TEX15: variants seen among roughly 807,000 people sequenced by gnomAD.
TEX15 encodes the protein testis-expressed protein 15.
TEX15 carries 171 observed loss-of-function variants against 237.3 expected under a neutral mutation model. The ratio of observed to expected loss-of-function variants is 0.72; its 90% CI spans 0.64 to 0.82. TEX15 has a LOEUF of 0.82. Ranked by LOEUF, TEX15 falls within the 40% of genes least tolerant of loss-of-function variation. TEX15 has a pLI of 0.00. For missense variants in TEX15, 3,750 were observed against 3,646.5 expected (o/e 1.03, Z -0.73); for synonymous variants, 1,338 against 1,269.8 (o/e 1.05, Z -1.14).
intron 5 of TEX15, among the ~76,000 whole-genome samples, chr8:30,863,064 A>G (rs529714845): frequency 2.0e-5 from 3 of 152,294 alleles, no homozygotes; most frequent in African/African-American, 7.2e-5. Flanking sequence ...TGCAACTTTC[A>G]GGGGAACGCT....
At chr8:30,906,370 G>A (rs1199284194) in intron 1 of TEX15, among the ~76,000 whole-genome samples, 1 of 152,078 alleles carries the variant, frequency 6.6e-6, no homozygotes, top group Non-Finnish European at 1.5e-5. Context: ...AGGATCATGA[G>A]GTCAGGAGAT....
intron 2 of TEX15, among the ~76,000 whole-genome samples, chr8:30,892,746 T>C (rs552245592): frequency 6.6e-6 from 1 of 152,268 alleles, no homozygotes; most frequent in South Asian, 2.1e-4. Flanking sequence ...TTTAAAATGA[T>C]GTTGTAGCTG....
In TEX15 at chr8:30,874,951, AT is replaced by A. The variant is rs1293896962; in HGVS notation, c.287del (p.Asn96IlefsTer26). ...TAGTAACTTACCTCTTAGCAGTAAAATTTTTTTCCAGTTCCTCATTGTGAAC... is the reference window on the plus strand; with the variant it reads ...TAGTAACTTACCTCTTAGCAGTAAAATTTTTTCCAGTTCCTCATTGTGAAC... ...KLVHNEELEK[N>X]FTAKRSEMRE... On this transcript the variant is annotated frameshift_variant, in exon 4 of 11. Coordinates refer to ENST00000643185, the MANE Select transcript of TEX15 (RefSeq NM_001350162.2). LOFTEE classifies it high-confidence loss of function. 13 of 1,336,598 alleles carry A rather than the reference AT, an allele frequency of 9.7e-6. No homozygotes were observed. The highest frequency in any genetic ancestry group is 4.6e-5 in the South Asian group (2 of 43,214). The allele number at this position is 1,336,598 out of a possible 1,614,324, so 82.8% of individuals were successfully genotyped here.
rs753475065 is a variant in TEX15, at chr8:30,842,822, C to T, written c.7345G>A (p.Val2449Ile). The T allele has an allele frequency of 2.7e-5, 44 of 1,612,884 alleles. No homozygotes were observed. The East Asian group carries it at 5.1e-4, about 19-fold the overall frequency. ...PEAIEMYIEI[V>I]MVSETIHFLK... ...AAGTGAATTGTTTCTGAGACCATGA[C>T]GATTTCAATATACATTTCAATAGCT... Residue 2449 changes from valine to isoleucine, a missense_variant, in exon 8 of 11, where the codon GTC (valine) becomes ATC (isoleucine). Physicochemically the swap from Val to Ile is conservative, Grantham distance 29 (BLOSUM62 3). Transcript: ENST00000643185.
chr8:30,845,044 G>C lies in TEX15; in HGVS notation c.5123C>G (p.Thr1708Ser), dbSNP rs1485326193. Reference sequence around the variant, plus strand: ...ACTGTACTTTTTACTTGCTATCAAAGTTAGGTTTAATGGGCCCATAAGGAA... The same window carrying C: ...ACTGTACTTTTTACTTGCTATCAAACTTAGGTTTAATGGGCCCATAAGGAA... Reference protein sequence around the residue: ...GNFLMGPLNLTLIASKKYSIP... With the variant: ...GNFLMGPLNLSLIASKKYSIP... The change falls in exon 8 of 11, where the codon ACT (threonine) becomes AGT (serine). Residue 1708 changes from threonine to serine, a missense_variant. Thr to Ser is a moderately conservative substitution (Grantham distance 58). Coordinates refer to ENST00000643185, the MANE Select transcript of TEX15 (RefSeq NM_001350162.2). 1 of 1,613,602 alleles carries C rather than the reference G, an allele frequency of 6.2e-7. No individual in the cohort carries two copies. The highest frequency in any genetic ancestry group is 1.7e-5 in the Admixed American group (1 of 60,008).
At position 30,898,768 on chromosome 8, in the gene TEX15, ACAGTTAT is replaced by A; in HGVS notation, c.-43_-37del. On this transcript the variant is annotated 5_prime_UTR_variant, in exon 2 of 11. An upstream open reading frame in the 5' UTR gains an earlier in-frame stop. Transcript: ENST00000643185. ...ACTCTTCAATGGCATCCAGCATTAC[ACAGTTAT>A]AATCAGTACTCAGTCCATACATGAA... The A allele has an allele frequency of 6.6e-6, 1 of 152,234 alleles. No homozygotes were observed. Among genetic ancestry groups the A allele is most frequent in the Non-Finnish European group, 1.5e-5 (1 of 68,042 alleles). The allele number at this position is 152,234 out of a possible 1,614,324, so 9.4% of individuals were successfully genotyped here.
intron 2 of TEX15, among the ~76,000 whole-genome samples, chr8:30,896,248 A>G (rs1283265109): frequency 6.6e-6 from 1 of 152,198 alleles, no homozygotes; most frequent in African/African-American, 2.4e-5. Context: ...AATGAATAGA[A>G]AACTAGAAGC....
chr8:30,867,644 T>C, intron 4 of TEX15, 142 bp from the exon 5 acceptor site: 1 of 592,868 alleles, frequency 1.7e-6, no homozygotes, highest in African/African-American at 1.9e-5. Context: ...ATGATAAATT[T>C]GGTTGAAAAT....
Position 30,843,513 on chromosome 8 carries a change from C to A in TEX15, c.6654G>T (p.Leu2218Phe). 1 of 1,612,936 alleles carries A rather than the reference C, an allele frequency of 6.2e-7. No homozygotes were observed. Among genetic ancestry groups the A allele is most frequent in the East Asian group, 2.2e-5 (1 of 44,844 alleles). The change falls in exon 8 of 11, where the codon TTG (leucine) becomes TTT (phenylalanine). Residue 2218 changes from leucine to phenylalanine, a missense_variant. Physicochemically the swap from Leu to Phe is conservative, Grantham distance 22. Coordinates refer to ENST00000643185, the MANE Select transcript of TEX15 (RefSeq NM_001350162.2). ...TAGGAGAGTCCCCACATACATTGAT[C>A]AACTTTAAAGTACTTTTTCTTAAGA... Reference protein sequence around the residue: ...LEILRKSTLKLINVCGDSPKV... With the variant: ...LEILRKSTLKFINVCGDSPKV...
chr8:30,847,040 G>C lies in TEX15; in HGVS notation c.3127C>G (p.His1043Asp), dbSNP rs766882961. Residue 1043 changes from histidine to aspartate, a missense_variant, in exon 8 of 11, where the codon CAT becomes GAT. By Grantham distance (81) the His-to-Asp change is moderately conservative. Coordinates refer to ENST00000643185, the MANE Select transcript of TEX15 (RefSeq NM_001350162.2). ...ACTAAGTTCTCATTTATTGATTGATGAAATGATTCTTGTGATTTATTTTTA... is the reference window on the plus strand; with the variant it reads ...ACTAAGTTCTCATTTATTGATTGATCAAATGATTCTTGTGATTTATTTTTA... ...TDKNKSQESF[H>D]QSINENLVLQ... 4 of 1,611,798 alleles carry C rather than the reference G, an allele frequency of 2.5e-6. No individual in the cohort carries two copies. In the African/African-American group the frequency reaches 5.3e-5, roughly 22 times the overall value.
rs1423589053 is a variant in TEX15 at position 30,845,973 on chromosome 8, C to A, written c.4194G>T (p.Leu1398Phe). The change falls in exon 8 of 11, where the codon TTG (leucine) becomes TTT (phenylalanine). Residue 1398 changes from leucine to phenylalanine, a missense_variant. Physicochemically the swap from Leu to Phe is conservative, Grantham distance 22. Transcript: ENST00000643185. ...CTTCTCCTACTTTAGTTATAAGCTG[C>A]AAAGATGTGTGAACTCTTCTATGAG... ...KKAHRRVHTS[L>F]QLITKVGEER... The A allele has an allele frequency of 3.7e-6, 6 of 1,612,900 alleles. No homozygotes were observed. Among genetic ancestry groups the A allele is most frequent in the Non-Finnish European group, 5.1e-6 (6 of 1,179,540 alleles).
rs1219143416 is a variant in TEX15 at position 30,845,500 on chromosome 8, T to C, written c.4667A>G (p.Tyr1556Cys). 1.1e-5 allele frequency: 17 copies of C among 1,613,414 alleles called. No homozygotes were observed. The highest frequency in any genetic ancestry group is 1.4e-5 in the Non-Finnish European group (17 of 1,179,552). Residue 1556 changes from tyrosine (Y) to cysteine (C), a missense_variant, in exon 8 of 11, where the codon TAT becomes TGT. Physicochemically the swap from Tyr to Cys is radical, Grantham distance 194 (BLOSUM62 -2). Coordinates refer to ENST00000643185, the MANE Select transcript of TEX15 (RefSeq NM_001350162.2). ...EHQPFSGKTA[Y>C]LFSPDHSDEK... The stretch of plus-strand genomic sequence containing the variant: ...ATCTGAGTGGTCTGGGGAAAACAGA[T>C]ATGCAGTTTTTCCAGAAAAGGGCTG...
rs1350087110 is a variant in TEX15, at chr8:30,894,395, G to C, written c.-10+4347C>G. Among the ~76,000 whole-genome samples the C allele has an allele frequency of 3.3e-5, 5 of 152,274 alleles. No individual in the cohort carries two copies. In the East Asian group the frequency reaches 9.6e-4, roughly 29 times the overall value. ...AACTCCAATTCTCCTATTTTTGTGT[G>C]TGTTATCGTTTGTTTATAATACCCT... On this transcript the variant is annotated intron_variant, in intron 2 of 10. Transcript: ENST00000643185.
chr8:30,896,805 C>T (rs1261036591), intron 2 of TEX15, among the ~76,000 whole-genome samples: 1 of 152,108 alleles, frequency 6.6e-6, no homozygotes, highest in Non-Finnish European at 1.5e-5. Flanking sequence ...ATCTTAGTAT[C>T]TGGATAAAAG....
At position 30,858,649 on chromosome 8, in the gene TEX15, A is replaced by C; in HGVS notation, c.850+19T>G. 6.6e-7 allele frequency: 1 copy of C among 1,513,772 alleles called. No homozygotes were observed. The allele number at this position is 1,513,772 out of a possible 1,614,324, so 93.8% of individuals were successfully genotyped here. ...ACCAGCACAAATATTAATCAAGTAC[A>C]ATCATATGTGTATCTTACCAGCTCT... On this transcript the variant is annotated intron_variant, in intron 7 of 10. Coordinates refer to ENST00000643185, the MANE Select transcript of TEX15 (RefSeq NM_001350162.2).
At chr8:30,874,017 T>G (rs962873756) in intron 4 of TEX15, among the ~76,000 whole-genome samples, 1 of 152,152 alleles carries the variant, frequency 6.6e-6, no homozygotes, top group Non-Finnish European at 1.5e-5. Context: ...AAGAACCGTG[T>G]CAGGAATTCA....
chr8:30,891,610 G>C (rs1585312001), intron 2 of TEX15, among the ~76,000 whole-genome samples: 1 of 151,914 alleles, frequency 6.6e-6, no homozygotes, highest in East Asian at 1.9e-4. Context: ...CTCCCAAGTA[G>C]CTGGGACTAC....
rs564018150 is a variant in TEX15 at position 30,899,493 on chromosome 8, G to C, written c.-85-676C>G. On this transcript the variant is annotated intron_variant, in intron 1 of 10. Coordinates refer to ENST00000643185, the MANE Select transcript of TEX15 (RefSeq NM_001350162.2). The stretch of plus-strand genomic sequence containing the variant: ...CTCACTCACTCTATCACCCAGGTTG[G>C]AGTACAGTGGCATGATTTTGGCTCA... 6.1e-4 allele frequency among the ~76,000 whole-genome samples: 93 copies of C among 152,266 alleles called. 3 individuals carry two copies. In the South Asian group the frequency reaches 0.019, roughly 31 times the overall value.
At chr8:30,868,818 C>CA (rs992498334) in intron 4 of TEX15, among the ~76,000 whole-genome samples, 1 of 150,758 alleles carries the variant, frequency 6.6e-6, no homozygotes, top group Non-Finnish European at 1.5e-5. Context: ...GTAAACCCTA[C>CA]AGCAGGGTTT....
Sources: gnomAD v4.1 joint callset for allele counts (sites outside exome capture counted in the v4.1 genomes callset) on GRCh38, gnomAD v4.1.1 for gene constraint, MANE v1.5 for transcripts, NCBI Gene and HGNC (gene_info 2026-07-23, HGNC 2026-07-21) for gene names.